The following SBF2 variants were observed in gnomAD, a reference collection of about 807,000 sequenced individuals.
SBF2 encodes SET binding factor 2.
Under a neutral mutation model 225.2 loss-of-function variants are expected in SBF2, and 112 were observed. The ratio of observed to expected loss-of-function variants is 0.50; its 90% CI spans 0.43 to 0.58. SBF2 has a LOEUF of 0.58. Ranked by LOEUF, SBF2 falls within the 20% of genes least tolerant of loss-of-function variation. The probability of loss-of-function intolerance (pLI) is 0.00; values close to 1 mark genes in which losing one functional copy is unlikely to be tolerated. For synonymous variants in SBF2, 763 were observed against 773.3 expected (o/e 0.99, Z 0.22); for missense variants, 1,996 against 2,206.2 (o/e 0.90, Z 1.91).
At chr11:10,088,339 C>T (rs964513919) in intron 2 of SBF2, among the ~76,000 whole-genome samples, 1 of 152,118 alleles carries the variant, frequency 6.6e-6, no homozygotes, top group Non-Finnish European at 1.5e-5. Flanking sequence ...GCAAACTTTA[C>T]AGCAAGAGTA....
intron 28 of SBF2, among the ~76,000 whole-genome samples, chr11:9,817,544 C>T (rs1477659061): frequency 6.7e-6 from 1 of 149,854 alleles, no homozygotes; most frequent in African/African-American, 2.5e-5. Context: ...ATTTGTATAT[C>T]ATGCCAAAAC....
intron 16 of SBF2, among the ~76,000 whole-genome samples, chr11:9,933,963 A>T (rs914491122): frequency 6.6e-6 from 1 of 152,132 alleles, no homozygotes; most frequent in African/African-American, 2.4e-5. Context: ...ATGCAATAAA[A>T]AAATGCTACT....
chr11:9,917,296 A>G (rs932334003), intron 16 of SBF2, among the ~76,000 whole-genome samples: 1 of 151,340 alleles, frequency 6.6e-6, no homozygotes, highest in African/African-American at 2.5e-5. Flanking sequence ...GGCCTCTGTG[A>G]CCTTCTTTTG....
At chr11:9,959,015 C>A in intron 16 of SBF2, 1 of 1,129,156 alleles carries the variant, frequency 8.9e-7, no homozygotes, top group South Asian at 1.4e-5. Flanking sequence ...TATTTCAGAC[C>A]ATTCTCCCGC....
chr11:9,800,657 T>G (rs1318428130), intron 32 of SBF2, among the ~76,000 whole-genome samples: 1 of 152,148 alleles, frequency 6.6e-6, no homozygotes, highest in Non-Finnish European at 1.5e-5. Flanking sequence ...TCTGCCTGTC[T>G]CGGCTTCCCA....
intron 2 of SBF2, among the ~76,000 whole-genome samples, chr11:10,141,988 C>T (rs971641087): frequency 6.6e-6 from 1 of 152,126 alleles, no homozygotes; most frequent in African/African-American, 2.4e-5. Context: ...AGCTCTGCAC[C>T]TCTTCTTAGA....
At chr11:9,944,012 C>A (rs1449139130) in intron 16 of SBF2, among the ~76,000 whole-genome samples, 2 of 152,140 alleles carry the variant, frequency 1.3e-5, no homozygotes, top group African/African-American at 4.8e-5. Flanking sequence ...GCAGAATGGG[C>A]TTAAACATCA....
At chr11:10,176,254 G>C (rs1956458689) in intron 2 of SBF2, among the ~76,000 whole-genome samples, 1 of 149,970 alleles carries the variant, frequency 6.7e-6, no homozygotes. Context: ...ATCCAAAATT[G>C]ACACCCTAAC....
chr11:10,067,990 C>T (rs1950698533), intron 2 of SBF2, among the ~76,000 whole-genome samples: 1 of 152,196 alleles, frequency 6.6e-6, no homozygotes, highest in Admixed American at 6.5e-5. Context: ...GAAACTTTAA[C>T]ACTTGCTCAA....
At chr11:9,973,915 A>G (rs1946563741) in intron 13 of SBF2, among the ~76,000 whole-genome samples, 1 of 152,244 alleles carries the variant, frequency 6.6e-6, no homozygotes. Flanking sequence ...AGTTTCCCAG[A>G]TTAATTCAAG....
At chr11:10,050,408 C>CTATG (rs1950016926) in intron 2 of SBF2, among the ~76,000 whole-genome samples, 1 of 152,038 alleles carries the variant, frequency 6.6e-6, no homozygotes, top group Non-Finnish European at 1.5e-5. Context: ...CCTGTATGTA[C>CTATG]TATGTATGTA....
At chr11:9,959,759 T>TTAAGTGGGAGC in intron 16 of SBF2, 1 of 653,122 alleles carries the variant, frequency 1.5e-6, no homozygotes, top group Non-Finnish European at 3.0e-6. Context: ...ACGCCTCTGT[T>TTAAGTGGGAGC]TAAGTGGGAG....
At chr11:9,836,216 T>A (rs181385423) in intron 26 of SBF2, among the ~76,000 whole-genome samples, 6 of 152,168 alleles carry the variant, frequency 3.9e-5, no homozygotes, top group Non-Finnish European at 8.8e-5. Flanking sequence ...CATTCTCTTA[T>A]CTTCTAGAAG....
chr11:10,034,041 C>T (rs1392648639), intron 3 of SBF2, among the ~76,000 whole-genome samples: 1 of 152,130 alleles, frequency 6.6e-6, no homozygotes, highest in Non-Finnish European at 1.5e-5. Context: ...ATTTTAAAGG[C>T]TTTGCCAACT....
In SBF2 at chr11:9,999,900, C is replaced by T. The variant is rs576528749; in HGVS notation, c.861+1014G>A. Among the ~76,000 whole-genome samples the T allele has an allele frequency of 3.8e-3, 577 of 152,264 alleles. 4 individuals are homozygous for T. Among genetic ancestry groups the T allele is most frequent in the South Asian group, 5.2e-3 (25 of 4,820 alleles). ...GGTTACAACTATAATTACTTCTTTGCTGGCATTTAAAACTAAAACAGAAGA... is the reference window on the plus strand; with the variant it reads ...GGTTACAACTATAATTACTTCTTTGTTGGCATTTAAAACTAAAACAGAAGA... On this transcript the variant is annotated intron_variant, in intron 8 of 39. Coordinates refer to ENST00000256190, the MANE Select transcript of SBF2 (RefSeq NM_030962.4).
At chr11:9,929,116 G>A (rs1374897905) in intron 16 of SBF2, 1 of 301,628 alleles carries the variant, frequency 3.3e-6, no homozygotes, top group Non-Finnish European at 6.4e-6. Flanking sequence ...AACCAAGTGG[G>A]AGCAATCATC....
intron 17 of SBF2, among the ~76,000 whole-genome samples, chr11:9,876,062 A>G (rs547567509): frequency 6.6e-6 from 1 of 152,304 alleles, no homozygotes; most frequent in African/African-American, 2.4e-5. Flanking sequence ...AGCCAGCATC[A>G]GATGTTTTAT....
At chr11:9,871,724 C>G (rs1858770919) in intron 17 of SBF2, among the ~76,000 whole-genome samples, 1 of 151,984 alleles carries the variant, frequency 6.6e-6, no homozygotes, top group African/African-American at 2.4e-5. Flanking sequence ...ATCTCCTGAC[C>G]TCGTGAACCG....
chr11:10,102,993 A>G (rs1222100225), intron 2 of SBF2, among the ~76,000 whole-genome samples: 1 of 152,204 alleles, frequency 6.6e-6, no homozygotes, highest in Non-Finnish European at 1.5e-5. Context: ...AGAGACAATG[A>G]AAGATTTTTG....
Sources: gnomAD v4.1 joint callset for allele counts (sites outside exome capture counted in the v4.1 genomes callset) on GRCh38, gnomAD v4.1.1 for gene constraint, MANE v1.5 for transcripts, NCBI Gene and HGNC (gene_info 2026-07-23, HGNC 2026-07-21) for gene names.